The following MC1R variants were observed in gnomAD, a reference collection of about 807,000 sequenced individuals.
The protein encoded by MC1R is melanocortin 1 receptor, also known as melanocyte-stimulating hormone receptor.
For missense variants in MC1R, 542 were observed against 430.0 expected (o/e 1.26, Z -2.30); for synonymous variants, 263 against 203.8 (o/e 1.29, Z -2.47).
chr16:89,919,230 C>G lies in MC1R; in HGVS notation c.-29C>G. 1 of 1,467,648 alleles carries G rather than the reference C, an allele frequency of 6.8e-7. No homozygotes were observed. The highest frequency in any genetic ancestry group is 1.3e-5 in the South Asian group (1 of 76,802). The allele number at this position is 1,467,648 out of a possible 1,614,324, so 90.9% of individuals were successfully genotyped here. On this transcript the variant is annotated 5_prime_UTR_variant, in exon 1 of 1. Coordinates refer to ENST00000555147, the MANE Select transcript of MC1R (RefSeq NM_002386.4). Reference sequence around the variant, plus strand: ...ACTGTGGGGACCTGGAGGCCTCCAACGACTCCTTCCTGCTTCCTGGACAGG... The same window carrying G: ...ACTGTGGGGACCTGGAGGCCTCCAAGGACTCCTTCCTGCTTCCTGGACAGG...
chr16:89,920,045 C>G lies in MC1R; in HGVS notation c.787C>G (p.Leu263Val). 6.2e-7 allele frequency: 1 copy of G among 1,613,862 alleles called. No individual in the cohort carries two copies. Among genetic ancestry groups the G allele is most frequent in the Non-Finnish European group, 8.5e-7 (1 of 1,179,906 alleles). ...CWGPFFLHLT[L>V]IVLCPEHPTC... ...GGGCCCCTTCTTCCTGCATCTCACACTCATCGTCCTCTGCCCCGAGCACCC... is the reference window on the plus strand; with the variant it reads ...GGGCCCCTTCTTCCTGCATCTCACAGTCATCGTCCTCTGCCCCGAGCACCC... Residue 263 changes from leucine to valine, a missense_variant, in exon 1 of 1, where the codon CTC (leucine) becomes GTC (valine). Coordinates refer to ENST00000555147, the MANE Select transcript of MC1R (RefSeq NM_002386.4).
chr16:89,920,661 C>T lies in MC1R; in HGVS notation c.*449C>T, dbSNP rs1157440276. The stretch of plus-strand genomic sequence containing the variant: ...GGAAGTGTGTGCCAAGAGCTACTCC[C>T]ACAGCAGCCCCAGGAGAAGGGGCTT... On this transcript the variant is annotated 3_prime_UTR_variant, in exon 1 of 1. Transcript: ENST00000555147. 2 of 716,708 alleles carry T rather than the reference C, an allele frequency of 2.8e-6. No homozygotes were observed. Among genetic ancestry groups the T allele is most frequent in the African/African-American group, 1.7e-5 (1 of 57,202 alleles). 44.4% of individuals were successfully genotyped at this position (716,708 alleles called of 1,614,324 possible).
chr16:89,920,259 A>G lies in MC1R; in HGVS notation c.*47A>G, dbSNP rs564507704. 6.6e-7 allele frequency: 1 copy of G among 1,511,778 alleles called. No individual in the cohort carries two copies. Among genetic ancestry groups the G allele is most frequent in the Admixed American group, 1.8e-5 (1 of 56,244 alleles). The allele number at this position is 1,511,778 out of a possible 1,614,324, so 93.6% of individuals were successfully genotyped here. A position where few individuals can be genotyped will look rare whatever the true frequency, so the allele number is the denominator to read the frequency against. ...GTGTGCTGGGCAGAGGGAGGTGGTG[A>G]TATTGTGTGGTCTGGTTCCTGTGTG... is the stretch of plus-strand genomic sequence containing the variant. On this transcript the variant is annotated 3_prime_UTR_variant, in exon 1 of 1. Coordinates refer to ENST00000555147, the MANE Select transcript of MC1R (RefSeq NM_002386.4).
rs767276470 is a variant in MC1R, at chr16:89,920,013, T to A, written c.755T>A (p.Leu252His). 1.7e-5 allele frequency: 28 copies of A among 1,613,536 alleles called. No individual in the cohort carries two copies. The highest frequency in any genetic ancestry group is 1.9e-5 in the Non-Finnish European group (23 of 1,179,902). The change falls in exon 1 of 1, where the codon CTC (leucine) becomes CAC (histidine). Residue 252 changes from leucine to histidine, a missense_variant. Leu to His is a moderately conservative substitution (Grantham distance 99, BLOSUM62 -3). Coordinates refer to ENST00000555147, the MANE Select transcript of MC1R (RefSeq NM_002386.4). The stretch of plus-strand genomic sequence containing the variant: ...ACCATCCTGCTGGGCATTTTCTTCC[T>A]CTGCTGGGGCCCCTTCTTCCTGCAT... ...TLTILLGIFF[L>H]CWGPFFLHLT...
Position 89,920,612 on chromosome 16 carries a change from A to C in MC1R, c.*400A>C, listed in dbSNP as rs1238665496. ...CAGCTCTCAGGACCGTGCCCTCGTCAGCTGGGATGTGAAGTCTCTGGGTGG... is the reference window on the plus strand; with the variant it reads ...CAGCTCTCAGGACCGTGCCCTCGTCCGCTGGGATGTGAAGTCTCTGGGTGG... On this transcript the variant is annotated 3_prime_UTR_variant, in exon 1 of 1. Transcript: ENST00000555147. The C allele has an allele frequency of 2.8e-6, 2 of 702,504 alleles. No individual in the cohort carries two copies. The highest frequency in any genetic ancestry group is 5.3e-6 in the Non-Finnish European group (2 of 378,634). 43.5% of individuals were successfully genotyped at this position (702,504 alleles called of 1,614,324 possible). A position where few individuals can be genotyped will look rare whatever the true frequency, so the allele number is the denominator to read the frequency against.
In MC1R at chr16:89,920,563, T is replaced by TCCACC. The variant is rs1412422976; in HGVS notation, c.*360_*364dup. ...CGTCTGCTCCAATGACTGAGCAGCA[T>TCCACC]CCACCCCACCCCATCTTTGCTGCCA... On this transcript the variant is annotated 3_prime_UTR_variant, in exon 1 of 1. Coordinates refer to ENST00000555147, the MANE Select transcript of MC1R (RefSeq NM_002386.4). 4.6e-6 allele frequency: 3 copies of TCCACC among 654,518 alleles called. No individual in the cohort carries two copies. The Admixed American group carries it at 7.5e-5, about 16-fold the overall frequency. 40.5% of individuals were successfully genotyped at this position (654,518 alleles called of 1,614,324 possible). A position where few individuals can be genotyped will look rare whatever the true frequency, so the allele number is the denominator to read the frequency against.
At position 89,920,805 on chromosome 16, in the gene MC1R, C is replaced by T. The variant is rs763454408; in HGVS notation, c.*593C>T. ...CCCCCCTAGTGGTATGGGGCTGAGC[C>T]CTCCTGAGGGCCGGTTCTAAGGCTC... is the stretch of plus-strand genomic sequence containing the variant. On this transcript the variant is annotated 3_prime_UTR_variant, in exon 1 of 1. Coordinates refer to ENST00000555147, the MANE Select transcript of MC1R (RefSeq NM_002386.4). 3 of 638,678 alleles carry T rather than the reference C, an allele frequency of 4.7e-6. No homozygotes were observed. Among genetic ancestry groups the T allele is most frequent in the Non-Finnish European group, 8.6e-6 (3 of 348,698 alleles). 39.6% of individuals were successfully genotyped at this position (638,678 alleles called of 1,614,324 possible).
rs3212371 is a variant in MC1R at position 89,920,793 on chromosome 16, A to G, written c.*581A>G. 87,829 of 675,172 alleles carry G rather than the reference A, an allele frequency of 0.13. 7,328 individuals carry two copies. Among genetic ancestry groups the G allele is most frequent in the African/African-American group, 0.29 (16,117 of 55,852 alleles). The allele number at this position is 675,172 out of a possible 1,614,324, so 41.8% of individuals were successfully genotyped here. A position where few individuals can be genotyped will look rare whatever the true frequency, so the allele number is the denominator to read the frequency against. ...GGTTTGCAGGAGCCCCCCTAGTGGTATGGGGCTGAGCCCTCCTGAGGGCCG... is the reference window on the plus strand; with the variant it reads ...GGTTTGCAGGAGCCCCCCTAGTGGTGTGGGGCTGAGCCCTCCTGAGGGCCG... On this transcript the variant is annotated 3_prime_UTR_variant, in exon 1 of 1. Transcript: ENST00000555147.
Position 89,920,425 on chromosome 16 carries a change from A to T in MC1R, c.*213A>T. The T allele has an allele frequency of 1.6e-6, 1 of 621,150 alleles. No individual in the cohort carries two copies. Among genetic ancestry groups the T allele is most frequent in the Non-Finnish European group, 2.9e-6 (1 of 342,784 alleles). 38.5% of individuals were successfully genotyped at this position (621,150 alleles called of 1,614,324 possible). ...ACTCCAGGCAGGACTTCTCACCAGC[A>T]GTCGTGGGGAACGGAGGAGGACATG... On this transcript the variant is annotated 3_prime_UTR_variant, in exon 1 of 1. Transcript: ENST00000555147.
Position 89,920,806 on chromosome 16 carries a change from C to G in MC1R, c.*594C>G. ...CCCCCTAGTGGTATGGGGCTGAGCC[C>G]TCCTGAGGGCCGGTTCTAAGGCTCA... On this transcript the variant is annotated 3_prime_UTR_variant, in exon 1 of 1. Coordinates refer to ENST00000555147, the MANE Select transcript of MC1R (RefSeq NM_002386.4). 1 of 634,450 alleles carries G rather than the reference C, an allele frequency of 1.6e-6. No homozygotes were observed. The highest frequency in any genetic ancestry group is 1.9e-5 in the South Asian group (1 of 53,872). The allele number at this position is 634,450 out of a possible 1,614,324, so 39.3% of individuals were successfully genotyped here.
At position 89,919,312 on chromosome 16, in the gene MC1R, C is replaced by A. The variant is rs1467766749; in HGVS notation, c.54C>A (p.Pro18=). The change falls in exon 1 of 1, where the codon CCC becomes CCA. Residue 18 remains proline (P), a synonymous_variant. Transcript: ENST00000555147. ...RRLLGSLNST[P]TAIPQLGLAA... ...TTCTGGGCTCCCTCAACTCCACCCC[C>A]ACAGCCATCCCCCAGCTGGGGCTGG... The A allele has an allele frequency of 1.2e-6, 2 of 1,610,936 alleles. No individual in the cohort carries two copies. The highest frequency in any genetic ancestry group is 2.2e-5 in the East Asian group (1 of 44,774).
Position 89,919,409 on chromosome 16 carries a change from GT to G in MC1R, c.152del (p.Val51GlyfsTer37). The G allele has an allele frequency of 6.2e-7, 1 of 1,613,336 alleles. No individual in the cohort carries two copies. The highest frequency in any genetic ancestry group is 1.3e-5 in the African/African-American group (1 of 75,064). On this transcript the variant is annotated frameshift_variant, in exon 1 of 1. Transcript: ENST00000555147. LOFTEE classifies it low-confidence loss of function (END_TRUNC). ...CGGGCTCTTCCTCAGCCTGGGGCTG[GT>G]GAGCTTGGTGGAGAACGCGCTGGTG... ...SDGLFLSLGL[V>X]SLVENALVVA... is the part of the protein sequence containing the mutation.
In MC1R at chr16:89,919,879, C is replaced by A. The variant is rs538459120; in HGVS notation, c.621C>A (p.Tyr207Ter). The A allele has an allele frequency of 1.9e-6, 3 of 1,606,352 alleles. No individual in the cohort carries two copies. The highest frequency in any genetic ancestry group is 2.5e-6 in the Non-Finnish European group (3 of 1,179,586). The change falls in exon 1 of 1, where the codon TAC (tyrosine) becomes TAA (stop). Residue 207 changes from tyrosine (Y) to a stop codon, truncating the protein, a stop_gained. Coordinates refer to ENST00000555147, the MANE Select transcript of MC1R (RefSeq NM_002386.4). LOFTEE classifies it low-confidence loss of function (END_TRUNC). ...TGCTGGTGCTCATGGCCGTGCTGTA[C>A]GTCCACATGCTGGCCCGGGCCTGCC... ...LAMLVLMAVLYVHMLARACQH... is the reference protein window; with the variant it reads ...LAMLVLMAVL
Position 89,920,048 on chromosome 16 carries a change from ATCGTCC to A in MC1R, c.793_798del (p.Val265_Leu266del). 1.2e-6 allele frequency: 2 copies of A among 1,613,680 alleles called. No individual in the cohort carries two copies. Among genetic ancestry groups the A allele is most frequent in the Non-Finnish European group, 1.7e-6 (2 of 1,179,860 alleles). ...CCCCTTCTTCCTGCATCTCACACTC[ATCGTCC>A]TCTGCCCCGAGCACCCCACGTGCGG... is the stretch of plus-strand genomic sequence containing the variant. On this transcript the variant is annotated inframe_deletion, in exon 1 of 1. Coordinates refer to ENST00000555147, the MANE Select transcript of MC1R (RefSeq NM_002386.4).
In MC1R at chr16:89,920,118, T is replaced by G. The variant is rs753749977; in HGVS notation, c.860T>G (p.Ile287Ser). The change falls in exon 1 of 1, where the codon ATC (isoleucine) becomes AGC (serine). Residue 287 changes from isoleucine (I) to serine (S), a missense_variant. Ile to Ser is a moderately radical substitution (Grantham distance 142). Coordinates refer to ENST00000555147, the MANE Select transcript of MC1R (RefSeq NM_002386.4). Reference protein sequence around the residue: ...FKNFNLFLALIICNAIIDPLI... With the variant: ...FKNFNLFLALSICNAIIDPLI... ...AACTTCAACCTCTTTCTCGCCCTCA[T>G]CATCTGCAATGCCATCATCGACCCC... 75 of 1,613,842 alleles carry G rather than the reference T, an allele frequency of 4.6e-5. No individual in the cohort carries two copies. The highest frequency in any genetic ancestry group is 5.9e-5 in the Non-Finnish European group (70 of 1,179,892).
Position 89,920,941 on chromosome 16 carries a change from G to A in MC1R, c.*729G>A, listed in dbSNP as rs1249168656. On this transcript the variant is annotated 3_prime_UTR_variant, in exon 1 of 1. Transcript: ENST00000555147. ...TGCCTGTGAGCATGGGGCCAGGAAA[G>A]TCTGGTAATAAATGTGACTCAGCAT... The A allele has an allele frequency of 3.7e-6, 2 of 542,482 alleles. No homozygotes were observed. The highest frequency in any genetic ancestry group is 3.6e-5 in the Admixed American group (1 of 27,630). The allele number at this position is 542,482 out of a possible 1,614,324, so 33.6% of individuals were successfully genotyped here.
In MC1R at chr16:89,919,244, T is replaced by G. The variant is rs1231560674; in HGVS notation, c.-15T>G. 3.3e-6 allele frequency: 5 copies of G among 1,521,202 alleles called. 1 individual carries two copies. In the South Asian group the frequency reaches 4.9e-5, roughly 15 times the overall value. The allele number at this position is 1,521,202 out of a possible 1,614,324, so 94.2% of individuals were successfully genotyped here. On this transcript the variant is annotated 5_prime_UTR_variant, in exon 1 of 1. Coordinates refer to ENST00000555147, the MANE Select transcript of MC1R (RefSeq NM_002386.4). ...GAGGCCTCCAACGACTCCTTCCTGC[T>G]TCCTGGACAGGACTATGGCTGTGCA... is the stretch of plus-strand genomic sequence containing the variant.
At position 89,919,669 on chromosome 16, in the gene MC1R, C is replaced by A. The variant is rs1182062640; in HGVS notation, c.411C>A (p.Ala137=). The change falls in exon 1 of 1, where the codon GCC becomes GCA. Residue 137 remains alanine, a synonymous_variant. Coordinates refer to ENST00000555147, the MANE Select transcript of MC1R (RefSeq NM_002386.4). Reference sequence around the variant, plus strand: ...TGTCCAGCCTCTGCTTCCTGGGCGCCATCGCCGTGGACCGCTACATCTCCA... The same window carrying A: ...TGTCCAGCCTCTGCTTCCTGGGCGCAATCGCCGTGGACCGCTACATCTCCA... ...SMLSSLCFLG[A]IAVDRYISIF... The A allele has an allele frequency of 6.2e-7, 1 of 1,606,322 alleles. No individual in the cohort carries two copies. Among genetic ancestry groups the A allele is most frequent in the Non-Finnish European group, 8.5e-7 (1 of 1,179,534 alleles).
chr16:89,919,396 C>G lies in MC1R; in HGVS notation c.138C>G (p.Leu46=), dbSNP rs1432144919. ...TGTCCATCTCTGACGGGCTCTTCCTCAGCCTGGGGCTGGTGAGCTTGGTGG... is the reference window on the plus strand; with the variant it reads ...TGTCCATCTCTGACGGGCTCTTCCTGAGCCTGGGGCTGGTGAGCTTGGTGG... ...LEVSISDGLF[L]SLGLVSLVEN... The change falls in exon 1 of 1, where the codon CTC becomes CTG. Residue 46 remains leucine (L), a synonymous_variant. Coordinates refer to ENST00000555147, the MANE Select transcript of MC1R (RefSeq NM_002386.4). The G allele has an allele frequency of 6.2e-7, 1 of 1,613,352 alleles. No homozygotes were observed. Among genetic ancestry groups the G allele is most frequent in the East Asian group, 2.2e-5 (1 of 44,874 alleles).
Sources: gnomAD v4.1 joint callset for allele counts on GRCh38, gnomAD v4.1.1 for gene constraint, MANE v1.5 for transcripts, NCBI Gene and HGNC (gene_info 2026-07-23, HGNC 2026-07-21) for gene names.